The following TACC1 variants were observed in gnomAD, a reference collection of about 807,000 sequenced individuals.
TACC1 encodes transforming acidic coiled-coil-containing protein 1.
A neutral mutation model predicts 84.4 loss-of-function variants in TACC1; 48 were observed. The ratio of observed to expected loss-of-function variants is 0.57; its 90% CI spans 0.45 to 0.72. The LOEUF is 0.72. Among genes scored for constraint, TACC1 ranks in the 30% least tolerant of loss-of-function variants. The pLI, the probability that TACC1 is intolerant of heterozygous loss-of-function variation, is 0.00. For synonymous variants in TACC1, 372 were observed against 376.3 expected, an observed-to-expected ratio of 0.99 and a Z score of 0.13; for missense variants, 920 against 973.0, an observed-to-expected ratio of 0.95 and a Z score of 0.72.
chr8:38,755,308 T>C (rs1292739110), intron 3 of TACC1, among the ~76,000 whole-genome samples: 5 of 152,238 alleles, frequency 3.3e-5, no homozygotes, highest in Admixed American at 1.3e-4. Flanking sequence ...AACAATTCTG[T>C]GTGCTTCACC....
chr8:38,787,065 G>C (rs958048511), upstream of TACC1: 2 of 939,060 alleles, frequency 2.1e-6, no homozygotes, highest in African/African-American at 3.6e-5. Flanking sequence ...CAGTCGGGCC[G>C]CGACCAGCGT....
At chr8:38,752,194 G>C (rs1036060568) in intron 3 of TACC1, among the ~76,000 whole-genome samples, 3 of 152,190 alleles carry the variant, frequency 2.0e-5, no homozygotes, top group African/African-American at 7.2e-5. Context: ...TTCTTGGCCA[G>C]GCACTGTGGC....
chr8:38,828,850 C>T (rs16892020), intron 5 of TACC1, among the ~76,000 whole-genome samples: 3,603 of 152,266 alleles, frequency 0.024, 130 homozygotes, highest in African/African-American at 0.075. Context: ...AGTCTGGTTC[C>T]ATGGTCTTTT....
chr8:38,729,640 G>A (rs1216965902), intron 1 of TACC1, among the ~76,000 whole-genome samples: 4 of 152,106 alleles, frequency 2.6e-5, no homozygotes, highest in Non-Finnish European at 5.9e-5. Context: ...AGGCCGAGGC[G>A]GGCAGATCAC....
intron 3 of TACC1, among the ~76,000 whole-genome samples, chr8:38,762,384 T>C (rs1320925278): frequency 6.6e-6 from 1 of 152,238 alleles, no homozygotes; most frequent in Non-Finnish European, 1.5e-5. Context: ...GTATTTGTCT[T>C]TTCATGACTG....
At chr8:38,780,852 A>G (rs1815809640) in intron 3 of TACC1, among the ~76,000 whole-genome samples, 1 of 152,202 alleles carries the variant, frequency 6.6e-6, no homozygotes, top group South Asian at 2.1e-4. Context: ...CTCCAAAGAG[A>G]TAAAAGCTGG....
intron 7 of TACC1, among the ~76,000 whole-genome samples, chr8:38,837,105 CT>C (rs11414868): frequency 0.063 from 7,653 of 120,868 alleles, 183 homozygotes; most frequent in Non-Finnish European, 0.084. Context: ...CCACCAAAAT[CT>C]TTTTTTTTTT....
chr8:38,808,607 G>A (rs62506669), intron 2 of TACC1, among the ~76,000 whole-genome samples: 1 of 152,078 alleles, frequency 6.6e-6, no homozygotes, highest in Non-Finnish European at 1.5e-5. Context: ...TAGAGATGGG[G>A]TTTCACCATG....
At chr8:38,742,352 C>T in exon 2 of TACC1, 1 of 1,393,428 alleles carries the variant, frequency 7.2e-7, no homozygotes, top group Non-Finnish European at 9.6e-7. Context: ...CTCTTCCAGT[C>T]CCAAGGGTTC....
At chr8:38,739,047 T>C (rs1158286820) in intron 1 of TACC1, among the ~76,000 whole-genome samples, 1 of 152,256 alleles carries the variant, frequency 6.6e-6, no homozygotes, top group East Asian at 1.9e-4. Flanking sequence ...CCTGCCAACA[T>C]GCCCGGCTAA....
chr8:38,838,660 G>A, intron 8 of TACC1, 114 bp downstream of exon 8: 1 of 820,766 alleles, frequency 1.2e-6, no homozygotes, highest in Non-Finnish European at 2.0e-6. Context: ...GAGAGCTTGA[G>A]GGCTTTGCTG....
At chr8:38,834,034 A>G (rs1314281137) in intron 6 of TACC1, among the ~76,000 whole-genome samples, 3 of 152,236 alleles carry the variant, frequency 2.0e-5, no homozygotes, top group Non-Finnish European at 2.9e-5. Context: ...TGTATCAGCT[A>G]TCTGCTGCTG....
At chr8:38,757,880 G>T (rs1810425706) in intron 3 of TACC1, among the ~76,000 whole-genome samples, 1 of 152,132 alleles carries the variant, frequency 6.6e-6, no homozygotes, top group South Asian at 2.1e-4. Flanking sequence ...TCTCTTGTTT[G>T]CTCCAAGGGT....
chr8:38,829,936 A>C (rs1223288418), intron 5 of TACC1, among the ~76,000 whole-genome samples: 1 of 152,086 alleles, frequency 6.6e-6, no homozygotes, highest in Non-Finnish European at 1.5e-5. Flanking sequence ...GTCCTGATGG[A>C]TACTTACTAG....
At chr8:38,792,667 G>A (rs896983925) in intron 2 of TACC1, among the ~76,000 whole-genome samples, 21 of 152,066 alleles carry the variant, frequency 1.4e-4, no homozygotes, top group Admixed American at 1.2e-3. Flanking sequence ...GGGTTTCACC[G>A]TGTTAGCCAG....
intron 3 of TACC1, among the ~76,000 whole-genome samples, chr8:38,766,393 T>C (rs1263525797): frequency 6.6e-6 from 1 of 152,250 alleles, no homozygotes; most frequent in Non-Finnish European, 1.5e-5. Flanking sequence ...ACACAGAAAC[T>C]TTAGAGTCCT....
intron 4 of TACC1, among the ~76,000 whole-genome samples, chr8:38,826,037 AG>A (rs1827962467): frequency 6.6e-6 from 1 of 152,252 alleles, no homozygotes; most frequent in African/African-American, 2.4e-5. Context: ...AGCGAAGCCC[AG>A]GCCCATCTGA....
Position 38,851,700 on chromosome 8 carries a change from T to G in TACC1, c.*3677T>G, listed in dbSNP as rs1833108426. 3 of 303,770 alleles carry G rather than the reference T, an allele frequency of 9.9e-6. No individual in the cohort carries two copies. In the Admixed American group the frequency reaches 1.2e-4, roughly 13 times the overall value. 18.8% of individuals were successfully genotyped at this position (303,770 alleles called of 1,614,324 possible). Reference sequence around the variant, plus strand: ...TTTCTGACTTGCATTTCTGACTTTATCCTGTTGTTAGGAAGATAGAAACTA... The same window carrying G: ...TTTCTGACTTGCATTTCTGACTTTAGCCTGTTGTTAGGAAGATAGAAACTA... On this transcript the variant is annotated 3_prime_UTR_variant, in exon 13 of 13. Transcript: ENST00000317827.
Position 38,779,968 on chromosome 8 carries a change from G to T in TACC1, c.27-8736G>T. ...TTTTGGGGCTTAAATGATCTTACTT[G>T]TTTTCACGAGTTCCTTAGGTAATAA... On this transcript the variant is annotated intron_variant, in intron 3 of 14. Coordinates refer to the TACC1 transcript ENST00000518415. Among the ~76,000 whole-genome samples the T allele has an allele frequency of 1.3e-5, 2 of 152,176 alleles. 1 individual carries two copies. The highest frequency in any genetic ancestry group is 2.9e-5 in the Non-Finnish European group (2 of 68,020).
Sources: allele counts gnomAD v4.1 joint callset (sites outside exome capture counted in the v4.1 genomes callset), GRCh38; gene constraint gnomAD v4.1.1; transcripts MANE v1.5; gene names NCBI Gene and HGNC (gene_info 2026-07-23, HGNC 2026-07-21).